Variants in GRIK2 observed in about 807,000 individuals in gnomAD.
GRIK2 encodes glutamate ionotropic receptor kainate type subunit 2.
A neutral mutation model predicts 100.3 loss-of-function variants in GRIK2; 32 were observed. The ratio of observed to expected loss-of-function variants is 0.32; its 90% CI spans 0.24 to 0.43. The LOEUF is 0.43. Among genes scored for constraint, GRIK2 ranks in the 20% least tolerant of loss-of-function variants. The pLI, the probability that GRIK2 is intolerant of heterozygous loss-of-function variation, is 1.00. For missense variants in GRIK2, 843 were observed against 1,114.9 expected (o/e 0.76, Z 3.47); for synonymous variants, 417 against 389.4 (o/e 1.07, Z -0.83).
At chr6:101,535,430 T>A (rs565624769) in intron 2 of GRIK2, among the ~76,000 whole-genome samples, 2 of 151,820 alleles carry the variant, frequency 1.3e-5, no homozygotes, top group African/African-American at 4.8e-5. Context: ...CCATGTTAGA[T>A]AACTTTTTGT....
At chr6:101,832,299 C>T (rs1290792658) in intron 10 of GRIK2, among the ~76,000 whole-genome samples, 5 of 151,956 alleles carry the variant, frequency 3.3e-5, no homozygotes, top group South Asian at 4.1e-4. Context: ...ATTTTAGTCA[C>T]GCTCATTAAC....
intron 2 of GRIK2, among the ~76,000 whole-genome samples, chr6:101,581,911 G>T (rs1031306859): frequency 6.6e-6 from 1 of 152,036 alleles, no homozygotes; most frequent in Non-Finnish European, 1.5e-5. Flanking sequence ...GCTTGGTTCT[G>T]CCTCACAACC....
rs628982 is a variant in GRIK2 at position 101,823,364 on chromosome 6, T to A, written c.1317+4881T>A. 8.1e-3 allele frequency among the ~76,000 whole-genome samples: 1,234 copies of A among 152,186 alleles called. 7 individuals carry two copies. Among genetic ancestry groups the A allele is most frequent in the Middle Eastern group, 0.024 (7 of 294 alleles). Reference sequence around the variant, plus strand: ...TAAACATTTATTTTATATATTTTTTTATTTTTGAATTAAGATTTATGATAT... The same window carrying A: ...TAAACATTTATTTTATATATTTTTTAATTTTTGAATTAAGATTTATGATAT... On this transcript the variant is annotated intron_variant, in intron 10 of 16. Coordinates refer to ENST00000369134, the MANE Select transcript of GRIK2 (RefSeq NM_021956.5).
At chr6:101,472,155 A>AT (rs1481689546) in intron 2 of GRIK2, among the ~76,000 whole-genome samples, 2 of 151,490 alleles carry the variant, frequency 1.3e-5, no homozygotes, top group African/African-American at 2.4e-5. Context: ...TTTATCTTTT[A>AT]TTTTTTTCAG....
chr6:101,685,317 T>C (rs1164749657), intron 6 of GRIK2, among the ~76,000 whole-genome samples: 8 of 152,142 alleles, frequency 5.3e-5, no homozygotes, highest in Non-Finnish European at 2.9e-5. Flanking sequence ...TTCCACTGAA[T>C]TGTATTCTTA....
chr6:101,788,400 C>T (rs1779585804), intron 7 of GRIK2, among the ~76,000 whole-genome samples: 1 of 151,960 alleles, frequency 6.6e-6, no homozygotes, highest in African/African-American at 2.4e-5. Context: ...TGATGTTCCC[C>T]TTCCTCTGTC....
chr6:101,918,193 G>C (rs2399632), intron 12 of GRIK2, among the ~76,000 whole-genome samples: 141,789 of 151,344 alleles, frequency 0.94, 66,457 homozygotes, highest in Middle Eastern at 0.96. Flanking sequence ...ATGTAATAAT[G>C]ATGATGATGA....
At chr6:101,528,918 G>A (rs1021862482) in intron 2 of GRIK2, among the ~76,000 whole-genome samples, 6 of 152,052 alleles carry the variant, frequency 3.9e-5, no homozygotes, top group Non-Finnish European at 8.8e-5. Context: ...CAATGCAACT[G>A]GCAATGAGAA....
rs753744358 is a variant in GRIK2 at position 101,924,680 on chromosome 6, A to T, written c.1828A>T (p.Asn610Tyr). ...DVVENNFTLL[N>Y]SFWFGVGALM... ...GGTGGAAAACAATTTTACCTTGCTA[A>T]ATAGTTTCTGGTTTGGAGTTGGAGC... The change falls in exon 13 of 17, where the codon AAT (asparagine) becomes TAT (tyrosine). Residue 610 changes from asparagine to tyrosine, a missense_variant. Physicochemically the swap from Asn to Tyr is moderately radical, Grantham distance 143. Coordinates refer to ENST00000369134, the MANE Select transcript of GRIK2 (RefSeq NM_021956.5). 6.2e-7 allele frequency: 1 copy of T among 1,612,154 alleles called. No individual in the cohort carries two copies. The highest frequency in any genetic ancestry group is 1.1e-5 in the South Asian group (1 of 91,052).
intron 5 of GRIK2, among the ~76,000 whole-genome samples, chr6:101,677,118 G>C (rs942425070): frequency 1.1e-4 from 17 of 152,060 alleles, no homozygotes; most frequent in Non-Finnish European, 5.9e-5. Context: ...AAGGAACTAA[G>C]AGTCAACCAG....
intron 2 of GRIK2, among the ~76,000 whole-genome samples, chr6:101,541,366 G>C (rs2518308): frequency 1 from 149,929 of 149,932 alleles, 74,963 homozygotes; most frequent in Middle Eastern, 1. Context: ...TTACACCCCA[G>C]CGCACACAAC....
At chr6:101,552,061 G>T (rs1776538114) in intron 2 of GRIK2, among the ~76,000 whole-genome samples, 1 of 152,072 alleles carries the variant, frequency 6.6e-6, no homozygotes, top group African/African-American at 2.4e-5. Context: ...ATTGGGAATG[G>T]GTGGATGCAT....
At chr6:101,979,770 T>C (rs1178487735) in intron 14 of GRIK2, among the ~76,000 whole-genome samples, 1 of 151,976 alleles carries the variant, frequency 6.6e-6, no homozygotes, top group East Asian at 2.0e-4. Context: ...TTTCTATATG[T>C]TAAGCCCATA....
intron 2 of GRIK2, among the ~76,000 whole-genome samples, chr6:101,471,096 A>AT (rs1246445928): frequency 6.6e-6 from 1 of 152,020 alleles, no homozygotes; most frequent in Non-Finnish European, 1.5e-5. Flanking sequence ...TGTAACTAAC[A>AT]TTTTTTATTT....
chr6:101,886,379 CT>C (rs1341667468), intron 11 of GRIK2, among the ~76,000 whole-genome samples: 10 of 151,324 alleles, frequency 6.6e-5, no homozygotes, highest in East Asian at 1.9e-4. Context: ...TATCTGTATC[CT>C]TTTTTTTAAG....
At chr6:101,855,448 T>C (rs1215781537) in intron 10 of GRIK2, among the ~76,000 whole-genome samples, 1 of 152,142 alleles carries the variant, frequency 6.6e-6, no homozygotes, top group African/African-American at 2.4e-5. Context: ...GCGGTTTCTT[T>C]GAAGTGGTGA....
At chr6:101,436,368 A>AT (rs34416859) in intron 2 of GRIK2, among the ~76,000 whole-genome samples, 57,809 of 150,256 alleles carry the variant, frequency 0.38, 11,440 homozygotes, top group Middle Eastern at 0.45. Flanking sequence ...AAAGATAATG[A>AT]TTTTTTTTTT....
chr6:101,846,614 A>T (rs950854649), intron 10 of GRIK2, among the ~76,000 whole-genome samples: 4 of 152,014 alleles, frequency 2.6e-5, no homozygotes, highest in Non-Finnish European at 4.4e-5. Context: ...TTAAATGATG[A>T]TGGAATTCAT....
chr6:101,933,259 A>C (rs748720847), intron 14 of GRIK2, among the ~76,000 whole-genome samples: 2 of 151,924 alleles, frequency 1.3e-5, no homozygotes, highest in South Asian at 2.1e-4. Context: ...TCCCCTCTAC[A>C]TCACCTCTAA....
Sources: gnomAD v4.1 joint callset for allele counts (sites outside exome capture counted in the v4.1 genomes callset) on GRCh38, gnomAD v4.1.1 for gene constraint, MANE v1.5 for transcripts, NCBI Gene and HGNC (gene_info 2026-07-23, HGNC 2026-07-21) for gene names.